Variants in ACOXL observed in about 807,000 individuals in gnomAD.
ACOXL encodes acyl-coenzyme A oxidase-like protein.
Under a neutral mutation model 71.9 loss-of-function variants are expected in ACOXL, and 70 were observed. The ratio of observed to expected loss-of-function variants is 0.97; its 90% CI spans 0.80 to 1.19. The LOEUF is 1.19. Among genes scored for constraint, ACOXL ranks in the 50% most tolerant of loss-of-function variants. ACOXL has a pLI of 0.00. For synonymous variants in ACOXL, 253 were observed against 281.6 expected (o/e 0.90, Z 1.02); for missense variants, 703 against 736.3 (o/e 0.95, Z 0.52).
At chr2:110,954,231 C>T (rs148424372) in intron 12 of ACOXL, among the ~76,000 whole-genome samples, 1 of 152,234 alleles carries the variant, frequency 6.6e-6, no homozygotes, top group East Asian at 1.9e-4. Context: ...ATAGTTTCAA[C>T]TTTTCTGTGT....
intron 12 of ACOXL, among the ~76,000 whole-genome samples, chr2:110,971,495 A>G (rs1482100270): frequency 6.6e-6 from 1 of 152,250 alleles, no homozygotes; most frequent in Non-Finnish European, 1.5e-5. Context: ...CATTTAAAGA[A>G]TTTTGTAAAA....
chr2:110,903,293 C>T (rs1161367017), intron 10 of ACOXL, among the ~76,000 whole-genome samples: 1 of 152,256 alleles, frequency 6.6e-6, no homozygotes, highest in Non-Finnish European at 1.5e-5. Flanking sequence ...GATTAATAGC[C>T]ATGTCACATC....
At chr2:110,840,602 T>TCCA (rs1691043786) in intron 9 of ACOXL, among the ~76,000 whole-genome samples, 1 of 152,216 alleles carries the variant, frequency 6.6e-6, no homozygotes, top group Non-Finnish European at 1.5e-5. Flanking sequence ...GCCTGACCCT[T>TCCA]GTAATCCCTT....
chr2:110,878,438 C>CT (rs1178681917), intron 10 of ACOXL, among the ~76,000 whole-genome samples: 1 of 152,146 alleles, frequency 6.6e-6, no homozygotes, highest in Non-Finnish European at 1.5e-5. Context: ...GAATGAACAG[C>CT]TTTAATGTAT....
intron 11 of ACOXL, among the ~76,000 whole-genome samples, chr2:110,928,388 A>T (rs1334782604): frequency 1.3e-5 from 2 of 152,218 alleles, no homozygotes; most frequent in East Asian, 3.8e-4. Flanking sequence ...ATATTTGTTG[A>T]ATAAATGAAT....
intron 16 of ACOXL, among the ~76,000 whole-genome samples, chr2:111,062,246 A>C (rs2066854160): frequency 6.6e-6 from 1 of 152,120 alleles, no homozygotes; most frequent in African/African-American, 2.4e-5. Flanking sequence ...CTATATTAAC[A>C]AAAGTGTCAA....
chr2:111,010,776 A>G (rs1034315924), intron 14 of ACOXL, among the ~76,000 whole-genome samples: 1 of 152,176 alleles, frequency 6.6e-6, no homozygotes, highest in African/African-American at 2.4e-5. Flanking sequence ...GCCAAAGGAC[A>G]ATAGAAAGAT....
At chr2:110,914,523 C>T (rs967499316) in intron 11 of ACOXL, among the ~76,000 whole-genome samples, 4 of 152,178 alleles carry the variant, frequency 2.6e-5, no homozygotes, top group African/African-American at 4.8e-5. Context: ...TCATTGTGTA[C>T]TGACCTGTAT....
intron 10 of ACOXL, among the ~76,000 whole-genome samples, chr2:110,861,640 G>T (rs1423420413): frequency 6.6e-6 from 1 of 152,078 alleles, no homozygotes; most frequent in Non-Finnish European, 1.5e-5. Context: ...CAAAACACGG[G>T]GTTAAATTCT....
At chr2:110,837,003 T>TA (rs1436550479) in intron 9 of ACOXL, among the ~76,000 whole-genome samples, 1 of 152,224 alleles carries the variant, frequency 6.6e-6, no homozygotes, top group African/African-American at 2.4e-5. Flanking sequence ...ATTTTCATAA[T>TA]AAAAAACCCC....
chr2:110,800,549 A>G (rs1685857879), intron 7 of ACOXL, among the ~76,000 whole-genome samples: 1 of 151,460 alleles, frequency 6.6e-6, no homozygotes, highest in Admixed American at 6.6e-5. Flanking sequence ...AATTTAACCC[A>G]TAAGATTTGG....
chr2:111,010,638 C>G (rs1195962972), intron 14 of ACOXL, among the ~76,000 whole-genome samples: 1 of 151,760 alleles, frequency 6.6e-6, no homozygotes, highest in Non-Finnish European at 1.5e-5. Context: ...AAAATAAGAG[C>G]CCATCATAGT....
intron 8 of ACOXL, among the ~76,000 whole-genome samples, chr2:110,802,011 T>G (rs1308181266): frequency 1.3e-5 from 2 of 152,234 alleles, no homozygotes. Flanking sequence ...AGGTGTCAGA[T>G]TTTTACTAAG....
chr2:111,001,990 G>A (rs1255961533), intron 14 of ACOXL, among the ~76,000 whole-genome samples: 4 of 152,066 alleles, frequency 2.6e-5, no homozygotes, highest in Non-Finnish European at 5.9e-5. Flanking sequence ...ACATTATATC[G>A]TTGAAATTGT....
At chr2:111,051,407 C>T (rs1361576978) in intron 16 of ACOXL, among the ~76,000 whole-genome samples, 3 of 152,186 alleles carry the variant, frequency 2.0e-5, no homozygotes, top group Admixed American at 6.5e-5. Flanking sequence ...GAAATAAATT[C>T]CCACATTTAA....
At chr2:110,778,590 C>T (rs953552074) in intron 2 of ACOXL, among the ~76,000 whole-genome samples, 5 of 152,272 alleles carry the variant, frequency 3.3e-5, no homozygotes, top group African/African-American at 9.6e-5. Context: ...TGGCCTTGGG[C>T]TAGTTTTTGA....
intron 11 of ACOXL, among the ~76,000 whole-genome samples, chr2:110,911,896 A>T (rs2059664252): frequency 6.6e-6 from 1 of 152,088 alleles, no homozygotes; most frequent in Admixed American, 6.5e-5. Context: ...AAAGTCATGT[A>T]AACTGGAGAC....
intron 15 of ACOXL, among the ~76,000 whole-genome samples, chr2:111,033,112 C>T (rs1037898283): frequency 6.6e-6 from 1 of 152,234 alleles, no homozygotes; most frequent in African/African-American, 2.4e-5. Context: ...AGTGACCACA[C>T]TCTGAAATGA....
At chr2:110,937,832 C>T (rs2060721882) in intron 12 of ACOXL, among the ~76,000 whole-genome samples, 1 of 152,196 alleles carries the variant, frequency 6.6e-6, no homozygotes, top group Non-Finnish European at 1.5e-5. Context: ...CCCTATGCCT[C>T]AGTTTTTCCT....
Sources: gnomAD v4.1 joint callset for allele counts (sites outside exome capture counted in the v4.1 genomes callset) on GRCh38, gnomAD v4.1.1 for gene constraint, MANE v1.5 for transcripts, NCBI Gene and HGNC (gene_info 2026-07-23, HGNC 2026-07-21) for gene names.